The following SNX24 variants were observed in gnomAD, a reference collection of about 807,000 sequenced individuals.
SNX24 encodes the protein sorting nexin-24.
SNX24 carries 22 observed loss-of-function variants against 28.7 expected under a neutral mutation model. The ratio of observed to expected loss-of-function variants is 0.77; its 90% CI spans 0.55 to 1.10. The LOEUF (loss-of-function observed/expected upper bound fraction) is 1.10, where lower values mean the gene tolerates loss of function less well. Among genes scored for constraint, SNX24 ranks in the 50% least tolerant of loss-of-function variants. SNX24 has a pLI of 0.00. For missense variants in SNX24, 221 were observed against 201.1 expected, an observed-to-expected ratio of 1.10 and a Z score of -0.60; for synonymous variants, 69 against 71.5, an observed-to-expected ratio of 0.96 and a Z score of 0.18.
At chr5:122,877,165 G>A (rs1756262114) in intron 1 of SNX24, among the ~76,000 whole-genome samples, 1 of 152,132 alleles carries the variant, frequency 6.6e-6, no homozygotes, top group Admixed American at 6.5e-5. Flanking sequence ...GCTTTCAGGG[G>A]AGGGGTGGAG....
chr5:122,922,705 C>T (rs946847659), intron 1 of SNX24, among the ~76,000 whole-genome samples: 5 of 152,142 alleles, frequency 3.3e-5, no homozygotes, highest in African/African-American at 1.2e-4. Flanking sequence ...ATTTTTCCCC[C>T]AGTGGTCCTA....
At chr5:122,941,696 G>C (rs1289599281) in intron 2 of SNX24, among the ~76,000 whole-genome samples, 1 of 152,162 alleles carries the variant, frequency 6.6e-6, no homozygotes, top group Non-Finnish European at 1.5e-5. Context: ...AGAGTGTCTA[G>C]TAGAGTCTTG....
At chr5:122,877,184 A>T (rs1408773813) in intron 1 of SNX24, among the ~76,000 whole-genome samples, 1 of 151,996 alleles carries the variant, frequency 6.6e-6, no homozygotes, top group East Asian at 1.9e-4. Context: ...AGATGAGAGA[A>T]TGCCCTGTCA....
At chr5:122,964,956 T>C (rs555742926) in intron 3 of SNX24, among the ~76,000 whole-genome samples, 1 of 152,320 alleles carries the variant, frequency 6.6e-6, no homozygotes, top group East Asian at 1.9e-4. Flanking sequence ...TTTCTAGTTC[T>C]CCTAGAATTT....
intron 1 of SNX24, among the ~76,000 whole-genome samples, chr5:122,911,567 T>C: frequency 6.7e-6 from 1 of 149,696 alleles, no homozygotes; most frequent in South Asian, 2.2e-4. Flanking sequence ...TGAATGGTAA[T>C]GCCTAGGTTT....
intron 1 of SNX24, among the ~76,000 whole-genome samples, chr5:122,923,329 AC>A (rs1219996705): frequency 1.3e-5 from 2 of 151,420 alleles, no homozygotes; most frequent in Non-Finnish European, 2.9e-5. Flanking sequence ...ACAGAGTGAG[AC>A]CCCATCTCTA....
At chr5:122,953,110 C>CA (rs545617646) in intron 3 of SNX24, among the ~76,000 whole-genome samples, 7 of 141,564 alleles carry the variant, frequency 4.9e-5, no homozygotes, top group Non-Finnish European at 1.1e-4. Context: ...CCTTTCCTTT[C>CA]TTTTTTTTTT....
chr5:123,009,213 G>A, downstream of SNX24: 1 of 984,856 alleles, frequency 1.0e-6, no homozygotes, highest in Non-Finnish European at 1.2e-6. Context: ...AAACATTTGA[G>A]TTTGTCTTCT....
In SNX24 at chr5:122,852,992, G is replaced by A. The variant is rs747692647; in HGVS notation, c.60+7299G>A. Reference sequence around the variant, plus strand: ...CATTACCAGCATGTACAATGAAGGAGGCCATTGTGTAACAAGGACGTAGCT... The same window carrying A: ...CATTACCAGCATGTACAATGAAGGAAGCCATTGTGTAACAAGGACGTAGCT... On this transcript the variant is annotated intron_variant, in intron 1 of 6. Transcript: ENST00000261369. 9.2e-4 allele frequency among the ~76,000 whole-genome samples: 140 copies of A among 152,060 alleles called. 1 individual carries two copies. The highest frequency in any genetic ancestry group is 2.9e-4 in the Non-Finnish European group (20 of 68,014).
intron 3 of SNX24, among the ~76,000 whole-genome samples, chr5:122,998,547 C>T (rs989617390): frequency 2.6e-5 from 4 of 152,128 alleles, no homozygotes; most frequent in African/African-American, 9.7e-5. Flanking sequence ...GAATGGTGAG[C>T]TGTGTAAAGA....
chr5:122,946,089 C>G lies in SNX24; in HGVS notation c.179C>G (p.Ser60Cys), dbSNP rs376646457. ...TGTATAAAAACTCCAGAAATCCCTT[C>G]TAAACATGTTAGGAACTGGGTCCCC... ...KKCIKTPEIPSKHVRNWVPKV... is the reference protein window; with the variant it reads ...KKCIKTPEIPCKHVRNWVPKV... Residue 60 changes from serine (S) to cysteine (C), a missense_variant, in exon 3 of 7, where the codon TCT (serine) becomes TGT (cysteine). Physicochemically the swap from Ser to Cys is moderately radical, Grantham distance 112. Coordinates refer to ENST00000261369, the MANE Select transcript of SNX24 (RefSeq NM_014035.4). The G allele has an allele frequency of 6.2e-7, 1 of 1,608,160 alleles. No homozygotes were observed. Among genetic ancestry groups the G allele is most frequent in the African/African-American group, 1.3e-5 (1 of 74,350 alleles).
intron 5 of SNX24, among the ~76,000 whole-genome samples, chr5:123,025,327 G>A (rs2150188356): frequency 6.6e-6 from 1 of 152,114 alleles, no homozygotes; most frequent in East Asian, 1.9e-4. Context: ...CCCAGCCCCT[G>A]GCAACTACCA....
chr5:122,893,130 A>T, intron 1 of SNX24, among the ~76,000 whole-genome samples: 1 of 148,576 alleles, frequency 6.7e-6, no homozygotes. Context: ...TTTCCTCCTT[A>T]CTCTCTTGTA....
intron 1 of SNX24, among the ~76,000 whole-genome samples, chr5:122,875,543 C>T (rs545380110): frequency 7.2e-5 from 11 of 152,100 alleles, no homozygotes; most frequent in African/African-American, 1.7e-4. Flanking sequence ...CTCCTTTGTA[C>T]GGGGGAGTGG....
intron 1 of SNX24, among the ~76,000 whole-genome samples, chr5:122,907,607 G>A (rs980900389): frequency 2.6e-5 from 4 of 151,750 alleles, no homozygotes; most frequent in Admixed American, 6.6e-5. Context: ...TATACTTTGC[G>A]GTCATTTATC....
chr5:122,977,661 A>G (rs375596205), intron 3 of SNX24, among the ~76,000 whole-genome samples: 2 of 152,230 alleles, frequency 1.3e-5, no homozygotes, highest in Admixed American at 6.5e-5. Context: ...AAGCTACTGC[A>G]CTTCTATAGT....
intron 3 of SNX24, among the ~76,000 whole-genome samples, chr5:122,953,689 C>T (rs3776184): frequency 0.039 from 5,885 of 152,206 alleles, 184 homozygotes; most frequent in East Asian, 0.099. Context: ...GTTGTGCATA[C>T]GTTACTTGTT....
intron 1 of SNX24, among the ~76,000 whole-genome samples, chr5:122,859,348 G>GA (rs1561514422): frequency 6.6e-6 from 1 of 152,078 alleles, no homozygotes; most frequent in Non-Finnish European, 1.5e-5. Flanking sequence ...TCATGCCTGT[G>GA]ATCCCAGCAC....
At chr5:122,865,338 TTA>T (rs10577090) in intron 1 of SNX24, among the ~76,000 whole-genome samples, 98,993 of 151,934 alleles carry the variant, frequency 0.65, 33,114 homozygotes, top group African/African-American at 0.81. Flanking sequence ...TTTTATGTAT[TTA>T]TATTTTTTGA....
Sources: allele counts gnomAD v4.1 joint callset (sites outside exome capture counted in the v4.1 genomes callset), GRCh38; gene constraint gnomAD v4.1.1; transcripts MANE v1.5; gene names NCBI Gene and HGNC (gene_info 2026-07-23, HGNC 2026-07-21).